Variants in SH3PXD2A observed in about 807,000 individuals in gnomAD.
SH3PXD2A encodes SH3 and PX domain-containing protein 2A.
SH3PXD2A carries 32 observed loss-of-function variants against 115.2 expected under a neutral mutation model. That is an observed-to-expected ratio of 0.28 (90% CI 0.21 to 0.37). SH3PXD2A has a LOEUF of 0.37. Among genes scored for constraint, SH3PXD2A ranks in the 10% least tolerant of loss-of-function variants. SH3PXD2A has a pLI of 1.00. For missense variants in SH3PXD2A, 1,328 were observed against 1,498.7 expected (o/e 0.89, Z 1.88); for synonymous variants, 610 against 629.1 (o/e 0.97, Z 0.45).
At chr10:103,698,285 G>A (rs2037849861) in intron 5 of SH3PXD2A, among the ~76,000 whole-genome samples, 1 of 152,234 alleles carries the variant, frequency 6.6e-6, no homozygotes, top group South Asian at 2.1e-4. Context: ...GAGTTCTGCT[G>A]AATGCTGCAG....
intron 3 of SH3PXD2A, among the ~76,000 whole-genome samples, chr10:103,750,726 C>T (rs1007355587): frequency 2.2e-4 from 33 of 152,180 alleles, no homozygotes; most frequent in African/African-American, 7.5e-4. Flanking sequence ...CACCTGACTC[C>T]GGGGTCAATG....
intron 2 of SH3PXD2A, 54 bp from the exon 3 acceptor site, chr10:103,767,223 A>G (rs1200397470): frequency 7.3e-7 from 1 of 1,378,132 alleles, no homozygotes. Context: ...AACATTCCTC[A>G]TCATCCCTTC....
At chr10:103,606,002 AG>A in intron 13 of SH3PXD2A, 85 bp from the exon 14 acceptor site, 2 of 1,479,422 alleles carry the variant, frequency 1.4e-6, no homozygotes, top group African/African-American at 1.4e-5. Context: ...CTCAGTCCCC[AG>A]GGGGTGCGGA....
chr10:103,613,149 T>C lies in SH3PXD2A; in HGVS notation c.962A>G (p.Lys321Arg). Reference sequence around the variant, plus strand: ...GGTTGGCAGGTCATCCTTGGCCTTCTTCAGGTAGGATGCTGGCGCCCAGCC... The same window carrying C: ...GGTTGGCAGGTCATCCTTGGCCTTCCTCAGGTAGGATGCTGGCGCCCAGCC... Reference protein sequence around the residue: ...KEGWAPASYLKKAKDDLPTRK... With the variant: ...KEGWAPASYLRKAKDDLPTRK... The change falls in exon 12 of 15, where the codon AAG (lysine) becomes AGG (arginine). Residue 321 changes from lysine to arginine, a missense_variant. Coordinates refer to ENST00000369774, the MANE Select transcript of SH3PXD2A (RefSeq NM_001394015.1). The C allele has an allele frequency of 3.7e-6, 6 of 1,611,272 alleles. No individual in the cohort carries two copies. The highest frequency in any genetic ancestry group is 5.1e-6 in the Non-Finnish European group (6 of 1,179,062).
At chr10:103,760,547 G>A (rs2038688733) in intron 3 of SH3PXD2A, among the ~76,000 whole-genome samples, 1 of 151,326 alleles carries the variant, frequency 6.6e-6, no homozygotes, top group Non-Finnish European at 1.5e-5. Context: ...TCCAGCCTGG[G>A]CAACAGAGCG....
At chr10:103,795,607 G>C (rs938854156) in intron 2 of SH3PXD2A, among the ~76,000 whole-genome samples, 6 of 152,160 alleles carry the variant, frequency 3.9e-5, no homozygotes, top group Non-Finnish European at 8.8e-5. Context: ...TACTTCTTCA[G>C]GAAGCCTGCC....
intron 5 of SH3PXD2A, among the ~76,000 whole-genome samples, chr10:103,694,449 C>T (rs952287170): frequency 5.3e-5 from 8 of 152,292 alleles, no homozygotes; most frequent in Non-Finnish European, 8.8e-5. Flanking sequence ...GGTGATTTGC[C>T]TGCACAGCCA....
intron 3 of SH3PXD2A, among the ~76,000 whole-genome samples, chr10:103,751,308 C>A (rs950045811): frequency 6.6e-6 from 1 of 152,162 alleles, no homozygotes; most frequent in Non-Finnish European, 1.5e-5. Flanking sequence ...GCTGTAGGCA[C>A]GGGGGATATA....
chr10:103,601,629 C>G lies in SH3PXD2A; in HGVS notation c.*187G>C. ...CTCACTCAGTGTGGGCACCCCCATC[C>G]CCTACCTTCCAGCTGTGGGATGGCT... On this transcript the variant is annotated 3_prime_UTR_variant, in exon 15 of 15. Coordinates refer to ENST00000369774, the MANE Select transcript of SH3PXD2A (RefSeq NM_001394015.1). The G allele has an allele frequency of 1.7e-6, 1 of 574,246 alleles. No individual in the cohort carries two copies. The allele number at this position is 574,246 out of a possible 1,614,324, so 35.6% of individuals were successfully genotyped here.
chr10:103,691,643 T>C (rs1372652908), intron 6 of SH3PXD2A, among the ~76,000 whole-genome samples: 1 of 152,082 alleles, frequency 6.6e-6, no homozygotes, highest in East Asian at 1.9e-4. Flanking sequence ...ACCCAGGTGA[T>C]AGGCAAGTGC....
chr10:103,700,309 G>A (rs1165416592), intron 5 of SH3PXD2A, among the ~76,000 whole-genome samples: 1 of 152,260 alleles, frequency 6.6e-6, no homozygotes, highest in Non-Finnish European at 1.5e-5. Context: ...TTACAGAGCT[G>A]TCGTGGGGAT....
chr10:103,638,106 C>T (rs561393966), intron 8 of SH3PXD2A, among the ~76,000 whole-genome samples: 3 of 152,286 alleles, frequency 2.0e-5, no homozygotes, highest in South Asian at 2.1e-4. Context: ...GTCCCTCCTG[C>T]GTGCACCCAC....
intron 1 of SH3PXD2A, among the ~76,000 whole-genome samples, chr10:103,813,069 C>T (rs1194314954): frequency 6.6e-6 from 1 of 151,746 alleles, no homozygotes; most frequent in African/African-American, 2.4e-5. Context: ...ATAAGGTGGA[C>T]TTTTCTATAT....
Position 103,716,117 on chromosome 10 carries a change from C to T in SH3PXD2A, c.398+8153G>A, listed in dbSNP as rs79214210. On this transcript the variant is annotated intron_variant, in intron 5 of 14. Coordinates refer to ENST00000369774, the MANE Select transcript of SH3PXD2A (RefSeq NM_001394015.1). ...AGGCCCCAAGCAGCATCTGCCTCTG[C>T]CCTGGCCCTCCTTCCCTGGCAGCCT... Among the ~76,000 whole-genome samples, 461 of 152,262 alleles carry T rather than the reference C, an allele frequency of 3.0e-3. 1 individual carries two copies. The highest frequency in any genetic ancestry group is 4.8e-3 in the Admixed American group (74 of 15,296).
chr10:103,709,042 A>C (rs1431416505), intron 5 of SH3PXD2A, among the ~76,000 whole-genome samples: 1 of 151,994 alleles, frequency 6.6e-6, no homozygotes, highest in African/African-American at 2.4e-5. Context: ...TCTAAGCTGC[A>C]GCCTGCCTCT....
At chr10:103,643,213 G>T (rs928049583) in intron 8 of SH3PXD2A, among the ~76,000 whole-genome samples, 3 of 152,176 alleles carry the variant, frequency 2.0e-5, no homozygotes, top group African/African-American at 7.2e-5. Context: ...TTCCCAGTTG[G>T]AATTTGGGAG....
At chr10:103,705,516 T>C (rs966342172) in intron 5 of SH3PXD2A, among the ~76,000 whole-genome samples, 1 of 152,234 alleles carries the variant, frequency 6.6e-6, no homozygotes, top group Admixed American at 6.5e-5. Flanking sequence ...ACTACATGCC[T>C]GTGTGGCAGA....
chr10:103,663,578 C>T (rs1348374649), intron 7 of SH3PXD2A, among the ~76,000 whole-genome samples: 5 of 152,274 alleles, frequency 3.3e-5, no homozygotes. Flanking sequence ...TCCAGAGAGA[C>T]AGGTTTCTTT....
chr10:103,674,852 CAAAAT>C lies in SH3PXD2A; in HGVS notation c.428-6205_428-6201del, dbSNP rs1290936613. On this transcript the variant is annotated intron_variant, in intron 6 of 14. Coordinates refer to ENST00000369774, the MANE Select transcript of SH3PXD2A (RefSeq NM_001394015.1). ...CAAACAAACAAACAAACAAACAAAA[CAAAAT>C]AAAACAAAACAAAAAAACAAAAACA... Among the ~76,000 whole-genome samples the C allele has an allele frequency of 6.6e-5, 10 of 150,730 alleles. No individual in the cohort carries two copies. In the East Asian group the frequency reaches 1.4e-3, roughly 20 times the overall value.
Sources: gnomAD v4.1 joint callset for allele counts (sites outside exome capture counted in the v4.1 genomes callset) on GRCh38, gnomAD v4.1.1 for gene constraint, MANE v1.5 for transcripts, NCBI Gene and HGNC (gene_info 2026-07-23, HGNC 2026-07-21) for gene names.